Variants in MYO1E observed in about 807,000 individuals in gnomAD.
The protein encoded by MYO1E is myosin IE.
MYO1E carries 68 observed loss-of-function variants against 151.1 expected under a neutral mutation model. The observed-to-expected ratio is 0.45, with a 90% CI of 0.37 to 0.55. The LOEUF (loss-of-function observed/expected upper bound fraction) is 0.55, where lower values mean the gene tolerates loss of function less well. Ranked by LOEUF, MYO1E falls within the 20% of genes least tolerant of loss-of-function variation. The pLI, the probability that MYO1E is intolerant of heterozygous loss-of-function variation, is 0.00. For synonymous variants in MYO1E, 601 were observed against 501.7 expected, an observed-to-expected ratio of 1.20 and a Z score of -2.64; for missense variants, 1,363 against 1,389.3, an observed-to-expected ratio of 0.98 and a Z score of 0.30.
At chr15:59,177,679 C>T (rs2079633196) in intron 19 of MYO1E, among the ~76,000 whole-genome samples, 1 of 152,196 alleles carries the variant, frequency 6.6e-6, no homozygotes, top group Non-Finnish European at 1.5e-5. Context: ...TTCCTGTGGA[C>T]ATTCATGGGG....
chr15:59,202,733 G>C (rs1206576308), intron 15 of MYO1E, among the ~76,000 whole-genome samples: 4 of 152,124 alleles, frequency 2.6e-5, no homozygotes, highest in Non-Finnish European at 5.9e-5. Context: ...AGGTCAGTAG[G>C]GGATTTTAGG....
intron 16 of MYO1E, among the ~76,000 whole-genome samples, chr15:59,200,806 T>C (rs2079796717): frequency 6.6e-6 from 1 of 152,122 alleles, no homozygotes; most frequent in Admixed American, 6.5e-5. Flanking sequence ...AGATAGACAC[T>C]AATATCTTAA....
At chr15:59,339,521 C>T (rs1452003992) in intron 1 of MYO1E, among the ~76,000 whole-genome samples, 1 of 152,184 alleles carries the variant, frequency 6.6e-6, no homozygotes, top group Non-Finnish European at 1.5e-5. Flanking sequence ...TCATCCAGAA[C>T]ACAGCCCCTC....
chr15:59,254,474 C>G lies in MYO1E; in HGVS notation c.332+1810G>C, dbSNP rs58511507. On this transcript the variant is annotated intron_variant, in intron 4 of 27. Transcript: ENST00000288235. Reference sequence around the variant, plus strand: ...CCAAAGTGCTAGTATTACATATACTCTTTTCTTGACCTTGGAAATGAATCT... The same window carrying G: ...CCAAAGTGCTAGTATTACATATACTGTTTTCTTGACCTTGGAAATGAATCT... Among the ~76,000 whole-genome samples, 133 of 152,294 alleles carry G rather than the reference C, an allele frequency of 8.7e-4. 1 individual carries two copies. Among genetic ancestry groups the G allele is most frequent in the Middle Eastern group, 3.4e-3 (1 of 294 alleles).
At chr15:59,198,434 C>T (rs1241281942) in intron 16 of MYO1E, among the ~76,000 whole-genome samples, 1 of 152,178 alleles carries the variant, frequency 6.6e-6, no homozygotes. Context: ...CACTAGATTT[C>T]TCTGGTCCTC....
chr15:59,271,573 C>A (rs1259317172), intron 2 of MYO1E, among the ~76,000 whole-genome samples: 1 of 152,062 alleles, frequency 6.6e-6, no homozygotes, highest in Admixed American at 6.5e-5. Flanking sequence ...ATGAAGTCAA[C>A]CCATATTTGA....
Position 59,372,665 on chromosome 15 carries a change from A to G in MYO1E, c.-165T>C. ...CCAATGGGAACCCAGAGGGGACTCC[A>G]TCCAGGCGGGATTGGCGGTGCTAGG... On this transcript the variant is annotated 5_prime_UTR_variant, in exon 1 of 28. An upstream start codon of the reference 5' UTR is lost. Coordinates refer to ENST00000288235, the MANE Select transcript of MYO1E (RefSeq NM_004998.4). The G allele has an allele frequency of 1.2e-6, 1 of 856,672 alleles. No homozygotes were observed. The highest frequency in any genetic ancestry group is 1.7e-6 in the Non-Finnish European group (1 of 573,764). The allele number at this position is 856,672 out of a possible 1,614,324, so 53.1% of individuals were successfully genotyped here.
chr15:59,253,232 GT>G (rs2080175228), intron 4 of MYO1E, among the ~76,000 whole-genome samples: 1 of 152,214 alleles, frequency 6.6e-6, no homozygotes, highest in Admixed American at 6.5e-5. Context: ...TGAATCCAGT[GT>G]TTTGTCTAAT....
rs764589342 is a variant in MYO1E, at chr15:59,354,052, AC to A, written c.3+18445del. Among the ~76,000 whole-genome samples, 6 of 152,190 alleles carry A rather than the reference AC, an allele frequency of 3.9e-5. No homozygotes were observed. The East Asian group carries it at 9.6e-4, about 24-fold the overall frequency. On this transcript the variant is annotated intron_variant, in intron 1 of 27. Coordinates refer to ENST00000288235, the MANE Select transcript of MYO1E (RefSeq NM_004998.4). ...AAAACCCCCATTTGGAGAAAGCCAC[AC>A]CCTTCACTAACGGCTCGATCAACCT... is the stretch of plus-strand genomic sequence containing the variant.
intron 4 of MYO1E, among the ~76,000 whole-genome samples, chr15:59,251,790 C>T (rs1002580579): frequency 6.6e-6 from 1 of 152,094 alleles, no homozygotes; most frequent in Non-Finnish European, 1.5e-5. Flanking sequence ...TGCAAAACAA[C>T]TGAAATTGTA....
chr15:59,142,261 T>C (rs2079414613), intron 26 of MYO1E, among the ~76,000 whole-genome samples: 1 of 152,212 alleles, frequency 6.6e-6, no homozygotes, highest in Non-Finnish European at 1.5e-5. Flanking sequence ...GATGCTAATT[T>C]GTCCTGTCTT....
chr15:59,182,634 C>G (rs1175968715), intron 18 of MYO1E, among the ~76,000 whole-genome samples: 2 of 152,186 alleles, frequency 1.3e-5, no homozygotes, highest in African/African-American at 2.4e-5. Context: ...CTAAGGGAGG[C>G]ATCCAAGGAT....
At chr15:59,242,857 T>C (rs2080108171) in intron 4 of MYO1E, among the ~76,000 whole-genome samples, 1 of 152,162 alleles carries the variant, frequency 6.6e-6, no homozygotes, top group South Asian at 2.1e-4. Context: ...CACGAGGAAA[T>C]GGGTAGACTC....
intron 4 of MYO1E, among the ~76,000 whole-genome samples, chr15:59,244,719 TC>T (rs1366621227): frequency 1.3e-5 from 2 of 152,222 alleles, no homozygotes; most frequent in Non-Finnish European, 2.9e-5. Flanking sequence ...TTTAACAGTT[TC>T]ATTACCTCTT....
intron 1 of MYO1E, among the ~76,000 whole-genome samples, chr15:59,311,170 AG>A: frequency 6.6e-6 from 1 of 152,158 alleles, no homozygotes; most frequent in East Asian, 1.9e-4. Context: ...TCCTTACTCT[AG>A]AACAGCAGTC....
At position 59,133,717 on chromosome 15, in the gene MYO1E, A is replaced by G. The variant is rs141768272; in HGVS notation, c.*3663T>C. The G allele has an allele frequency of 6.6e-6, 1 of 152,324 alleles. No homozygotes were observed. Among genetic ancestry groups the G allele is most frequent in the Non-Finnish European group, 1.5e-5 (1 of 68,056 alleles). 9.4% of individuals were successfully genotyped at this position (152,324 alleles called of 1,614,324 possible). On this transcript the variant is annotated 3_prime_UTR_variant, in exon 28 of 28. Transcript: ENST00000288235. ...AACACAGAGTTAAATTGTCTACCAA[A>G]GACGCACCGTTCATGCTCTGCTCTT...
chr15:59,310,144 T>C (rs1182702993), intron 1 of MYO1E, among the ~76,000 whole-genome samples: 1 of 152,188 alleles, frequency 6.6e-6, no homozygotes, highest in Non-Finnish European at 1.5e-5. Flanking sequence ...TAGTATTACT[T>C]ACTCTAGGTC....
chr15:59,253,192 A>G (rs2080175050), intron 4 of MYO1E, among the ~76,000 whole-genome samples: 1 of 152,220 alleles, frequency 6.6e-6, no homozygotes, highest in Admixed American at 6.5e-5. Context: ...GCAACAATTA[A>G]TTGTTTTGAA....
chr15:59,372,608 A>G lies in MYO1E; in HGVS notation c.-108T>C, dbSNP rs2080954737. On this transcript the variant is annotated 5_prime_UTR_variant, in exon 1 of 28. Transcript: ENST00000288235. ...CAAAAGTTGGTTCCCCTCGCCAAAA[A>G]CAGGCTCCCGACACCCAAGCACTCA... is the stretch of plus-strand genomic sequence containing the variant. 1.4e-6 allele frequency: 2 copies of G among 1,415,278 alleles called. No individual in the cohort carries two copies. The highest frequency in any genetic ancestry group is 1.9e-6 in the Non-Finnish European group (2 of 1,047,778). The allele number at this position is 1,415,278 out of a possible 1,614,324, so 87.7% of individuals were successfully genotyped here.
Sources: allele counts gnomAD v4.1 joint callset (sites outside exome capture counted in the v4.1 genomes callset), GRCh38; gene constraint gnomAD v4.1.1; transcripts MANE v1.5; gene names NCBI Gene and HGNC (gene_info 2026-07-23, HGNC 2026-07-21).